The following MEIS1 variants were observed in gnomAD, a reference collection of about 807,000 sequenced individuals.
MEIS1 encodes the protein homeobox protein Meis1.
MEIS1 carries 5 observed loss-of-function variants against 50.8 expected under a neutral mutation model. That is an observed-to-expected ratio of 0.10 (90% CI 0.05 to 0.21). The LOEUF is 0.21. Ranked by LOEUF, MEIS1 falls within the 10% of genes least tolerant of loss-of-function variation. The pLI, the probability that MEIS1 is intolerant of heterozygous loss-of-function variation, is 1.00. For missense variants in MEIS1, 318 were observed against 517.3 expected, an observed-to-expected ratio of 0.61 and a Z score of 3.74; for synonymous variants, 176 against 179.3, an observed-to-expected ratio of 0.98 and a Z score of 0.15.
intron 9 of MEIS1, among the ~76,000 whole-genome samples, chr2:66,562,620 CTT>C (rs138506367): frequency 6.6e-6 from 1 of 152,022 alleles, no homozygotes; most frequent in African/African-American, 2.4e-5. Flanking sequence ...CTTTTTAGGA[CTT>C]GAGTCTTAAA....
At chr2:66,552,722 T>G (rs762294204) in intron 9 of MEIS1, among the ~76,000 whole-genome samples, 1 of 152,208 alleles carries the variant, frequency 6.6e-6, no homozygotes, top group East Asian at 1.9e-4. Context: ...TTTATTATAA[T>G]AAACAGATTC....
chr2:66,449,546 A>G (rs1672232213), intron 6 of MEIS1, among the ~76,000 whole-genome samples: 1 of 152,130 alleles, frequency 6.6e-6, no homozygotes, highest in Non-Finnish European at 1.5e-5. Flanking sequence ...GGAGTCTTAA[A>G]CAGACTCTCC....
At position 66,457,856 on chromosome 2, in the gene MEIS1, G is replaced by A. The variant is rs114254830; in HGVS notation, c.631-6253G>A. On this transcript the variant is annotated intron_variant, in intron 6 of 12. Transcript: ENST00000272369. ...ATGCACACTGGTGCCTTCTCCATGC[G>A]GACCTGGAGACTGTCCTCACCTGGA... is the stretch of plus-strand genomic sequence containing the variant. Among the ~76,000 whole-genome samples, 480 of 152,298 alleles carry A rather than the reference G, an allele frequency of 3.2e-3. 2 individuals carry two copies. Among genetic ancestry groups the A allele is most frequent in the African/African-American group, 0.011 (457 of 41,566 alleles).
intron 6 of MEIS1, among the ~76,000 whole-genome samples, chr2:66,461,131 G>T (rs1279725521): frequency 6.6e-6 from 1 of 152,084 alleles, no homozygotes; most frequent in Non-Finnish European, 1.5e-5. Context: ...ATTTTATTCT[G>T]TCAGCCTTAC....
chr2:66,553,182 A>C (rs1674965406), intron 9 of MEIS1, among the ~76,000 whole-genome samples: 1 of 152,204 alleles, frequency 6.6e-6, no homozygotes, highest in African/African-American at 2.4e-5. Flanking sequence ...CACACATAGA[A>C]AGTAATTGTA....
chr2:66,568,527 C>A, intron 10 of MEIS1, 140 bp from the exon 11 acceptor site: 2 of 352,110 alleles, frequency 5.7e-6, no homozygotes. Flanking sequence ...AGAGAAATTT[C>A]ACTTTGAATG....
intron 6 of MEIS1, among the ~76,000 whole-genome samples, chr2:66,444,139 G>A (rs1373318880): frequency 3.3e-5 from 5 of 152,200 alleles, no homozygotes; most frequent in African/African-American, 9.7e-5. Context: ...AAGGCGTCTA[G>A]AGATTTGGGT....
intron 9 of MEIS1, among the ~76,000 whole-genome samples, chr2:66,553,061 A>C (rs1156792461): frequency 1.3e-5 from 2 of 152,252 alleles, no homozygotes; most frequent in African/African-American, 4.8e-5. Context: ...AAAAAACAGT[A>C]CACGATGCAA....
chr2:66,494,530 A>G (rs949936177), intron 7 of MEIS1, among the ~76,000 whole-genome samples: 2 of 152,242 alleles, frequency 1.3e-5, no homozygotes, highest in Admixed American at 6.5e-5. Context: ...CTCATTTACT[A>G]TGCTCAAAGA....
At chr2:66,472,617 A>G (rs1672788344) in intron 7 of MEIS1, among the ~76,000 whole-genome samples, 1 of 152,214 alleles carries the variant, frequency 6.6e-6, no homozygotes, top group Non-Finnish European at 1.5e-5. Context: ...ACAACATGCC[A>G]ATGACCCAGA....
At chr2:66,556,525 A>G (rs1018897489) in intron 9 of MEIS1, among the ~76,000 whole-genome samples, 3 of 148,560 alleles carry the variant, frequency 2.0e-5, no homozygotes, top group Non-Finnish European at 4.4e-5. Context: ...TATGTTGCCT[A>G]CGGATGGAAG....
At chr2:66,530,457 G>C (rs1169558644) in intron 8 of MEIS1, among the ~76,000 whole-genome samples, 2 of 152,194 alleles carry the variant, frequency 1.3e-5, no homozygotes, top group Non-Finnish European at 2.9e-5. Flanking sequence ...GCTCACGCCT[G>C]TAATCCCAGC....
intron 7 of MEIS1, among the ~76,000 whole-genome samples, chr2:66,468,445 G>A (rs769047299): frequency 1.3e-5 from 2 of 152,140 alleles, no homozygotes; most frequent in Non-Finnish European, 2.9e-5. Flanking sequence ...ATAAATGATG[G>A]TAAAAAGATA....
chr2:66,542,916 T>C (rs1476855546), intron 8 of MEIS1, among the ~76,000 whole-genome samples: 1 of 152,222 alleles, frequency 6.6e-6, no homozygotes, highest in African/African-American at 2.4e-5. Flanking sequence ...TAAAGCTGGA[T>C]ATTTTCTAAC....
Position 66,526,745 on chromosome 2 carries a change from G to A in MEIS1, c.888+14451G>A, listed in dbSNP as rs72822902. Among the ~76,000 whole-genome samples the A allele has an allele frequency of 9.8e-3, 1,489 of 152,222 alleles. 8 individuals carry two copies. The highest frequency in any genetic ancestry group is 0.071 in the Middle Eastern group (21 of 294). ...ATTTTAATTTGCTAAATAAAATAAA[G>A]GCATTGCTTAACCATTGTCAAACAT... On this transcript the variant is annotated intron_variant, in intron 8 of 12. Transcript: ENST00000272369.
chr2:66,438,799 A>T (rs926015292), intron 2 of MEIS1, among the ~76,000 whole-genome samples: 4 of 152,044 alleles, frequency 2.6e-5, no homozygotes, highest in East Asian at 1.9e-4. Flanking sequence ...ATTTATTTTT[A>T]AAAAATCAGG....
At chr2:66,555,256 C>CTT (rs1675027424) in intron 9 of MEIS1, among the ~76,000 whole-genome samples, 1 of 26,962 alleles carries the variant, frequency 3.7e-5, no homozygotes. Flanking sequence ...TGTACGTGTT[C>CTT]TCTCTCTCTC....
chr2:66,473,378 CAA>C (rs71409174), intron 7 of MEIS1, among the ~76,000 whole-genome samples: 8 of 53,940 alleles, frequency 1.5e-4, no homozygotes, highest in Admixed American at 1.0e-3. Flanking sequence ...GACTCCATGT[CAA>C]AAAAAAAAAA....
At chr2:66,559,906 C>G (rs928191917) in intron 9 of MEIS1, among the ~76,000 whole-genome samples, 4 of 152,130 alleles carry the variant, frequency 2.6e-5, no homozygotes. Flanking sequence ...AAGCAATCCT[C>G]CCACTTCAGC....
Sources: gnomAD v4.1 joint callset for allele counts (sites outside exome capture counted in the v4.1 genomes callset) on GRCh38, gnomAD v4.1.1 for gene constraint, MANE v1.5 for transcripts, NCBI Gene and HGNC (gene_info 2026-07-23, HGNC 2026-07-21) for gene names.